The following ARHGAP39 variants were observed in gnomAD, a reference collection of about 807,000 sequenced individuals.
ARHGAP39 encodes rho GTPase-activating protein 39.
ARHGAP39 carries 44 observed loss-of-function variants against 106.9 expected under a neutral mutation model. The ratio of observed to expected loss-of-function variants is 0.41; its 90% CI spans 0.32 to 0.53. The LOEUF (loss-of-function observed/expected upper bound fraction) is 0.53. Ranked by LOEUF, ARHGAP39 falls within the 20% of genes least tolerant of loss-of-function variation. ARHGAP39 has a pLI of 0.21. For synonymous variants in ARHGAP39, 768 were observed against 693.2 expected (o/e 1.11, Z -1.69); for missense variants, 1,496 against 1,577.3 (o/e 0.95, Z 0.87).
In ARHGAP39 at chr8:144,585,390, G is replaced by C. The variant is rs558936031; in HGVS notation, c.81-4113C>G. Among the ~76,000 whole-genome samples, 1 of 145,840 alleles carries C rather than the reference G, an allele frequency of 6.9e-6. No individual in the cohort carries two copies. Among genetic ancestry groups the C allele is most frequent in the Non-Finnish European group, 1.5e-5 (1 of 66,132 alleles). Reference sequence around the variant, plus strand: ...GGGCCAGCCAAGGGTTCCCAGCACCGGCTCACCGAGAACCTGGAGGGGCCA... The same window carrying C: ...GGGCCAGCCAAGGGTTCCCAGCACCCGCTCACCGAGAACCTGGAGGGGCCA... On this transcript the variant is annotated intron_variant, in intron 2 of 11. Transcript: ENST00000377307. This position sits in a 1 kb window ranked among gnomAD's most constrained non-coding sequence, Gnocchi z 4.6.
intron 6 of ARHGAP39, among the ~76,000 whole-genome samples, chr8:144,544,886 A>G (rs1461794734): frequency 6.6e-6 from 1 of 152,274 alleles, no homozygotes; most frequent in Non-Finnish European, 1.5e-5. Flanking sequence ...GCAGAAGGCA[A>G]GTGCGGCAGG....
At chr8:144,540,718 C>T (rs1366454244) in intron 6 of ARHGAP39, among the ~76,000 whole-genome samples, 6 of 151,722 alleles carry the variant, frequency 4.0e-5, no homozygotes, top group Admixed American at 2.6e-4. Flanking sequence ...GAGGATCCCA[C>T]GAGCCTGAGA....
chr8:144,695,144 A>G, the ARHGAP39 span, among the ~76,000 whole-genome samples: 4 of 51,572 alleles, frequency 7.8e-5, no homozygotes, highest in South Asian at 7.9e-4. Flanking sequence ...GCGCTATCTC[A>G]GCTTACTGCA....
chr8:144,648,580 A>C (rs774245926), intron 1 of ARHGAP39, among the ~76,000 whole-genome samples: 1 of 152,174 alleles, frequency 6.6e-6, no homozygotes, highest in Non-Finnish European at 1.5e-5. Context: ...TTTTATTCCG[A>C]AAGGTAGAGC....
the ARHGAP39 span, among the ~76,000 whole-genome samples, chr8:144,694,747 G>C: frequency 6.6e-6 from 1 of 152,156 alleles, no homozygotes; most frequent in Non-Finnish European, 1.5e-5. Context: ...GGAATCTTAT[G>C]ATAACATTTC....
At chr8:144,592,273 C>CAG in intron 2 of ARHGAP39, among the ~76,000 whole-genome samples, 1 of 147,558 alleles carries the variant, frequency 6.8e-6, no homozygotes, top group South Asian at 2.2e-4. Flanking sequence ...AACCTGAGGG[C>CAG]ACCTCCTGGG....
intron 2 of ARHGAP39, among the ~76,000 whole-genome samples, chr8:144,601,904 T>C (rs536672774): frequency 1.4e-5 from 2 of 138,030 alleles, no homozygotes; most frequent in East Asian, 4.6e-4. Flanking sequence ...GAGGCGTGCA[T>C]GTGCTCGTGT....
chr8:144,642,990 G>A (rs1326607156), intron 1 of ARHGAP39, among the ~76,000 whole-genome samples: 3 of 152,014 alleles, frequency 2.0e-5, no homozygotes, highest in Non-Finnish European at 4.4e-5. Context: ...TCCAGTCTGG[G>A]CAACAGAGCA....
Position 144,530,789 on chromosome 8 carries a change from G to A in ARHGAP39, c.3063C>T (p.Tyr1021=), listed in dbSNP as rs112342135. 27,490 of 1,611,832 alleles carry A rather than the reference G, an allele frequency of 0.017. 294 individuals carry two copies. Among genetic ancestry groups the A allele is most frequent in the Non-Finnish European group, 0.02 (23,794 of 1,179,638 alleles). ...CGGCCACCGCCGCCTCGGGGCTGTC[G>A]TAGTGCGCGATGCACTGCTCGTAGA... is the stretch of plus-strand genomic sequence containing the variant. ...HEFYEQCIAH[Y]DSPEAAVAVV... Residue 1021 remains tyrosine (Y), a synonymous_variant, in exon 11 of 12, where the codon TAC becomes TAT. Transcript: ENST00000377307.
Position 144,645,986 on chromosome 8 carries a change from C to G in ARHGAP39, c.-82+39700G>C, listed in dbSNP as rs1348683422. Among the ~76,000 whole-genome samples the G allele has an allele frequency of 6.6e-6, 1 of 152,220 alleles. No individual in the cohort carries two copies. Among genetic ancestry groups the G allele is most frequent in the African/African-American group, 2.4e-5 (1 of 41,468 alleles). On this transcript the variant is annotated intron_variant, in intron 1 of 11. Transcript: ENST00000377307. This position sits in a 1 kb window ranked among gnomAD's most constrained non-coding sequence, Gnocchi z 4.4. The stretch of plus-strand genomic sequence containing the variant: ...GGTAACACCCAGATGGCCCAGCTGG[C>G]TCTGTGGCCGAGGCAGGATAGCTAG...
intron 3 of ARHGAP39, among the ~76,000 whole-genome samples, chr8:144,572,854 C>T (rs754697468): frequency 2.4e-4 from 37 of 152,196 alleles, no homozygotes; most frequent in African/African-American, 8.2e-4. Flanking sequence ...ATTTATGCAG[C>T]CAACAGACAC....
chr8:144,677,092 G>A (rs1822262458), intron 1 of ARHGAP39, among the ~76,000 whole-genome samples: 2 of 152,222 alleles, frequency 1.3e-5, no homozygotes, highest in Admixed American at 6.5e-5. Context: ...GTTCACACAC[G>A]TTATAACATG....
rs1256845886 is a variant in ARHGAP39, at chr8:144,532,297, GGA to G, written c.2980+6_2980+7del. 1.2e-6 allele frequency: 2 copies of G among 1,612,198 alleles called. No homozygotes were observed. The highest frequency in any genetic ancestry group is 4.5e-5 in the East Asian group (2 of 44,872). On this transcript the variant is annotated splice_donor_region_variant and intron_variant, in intron 10 of 11. Coordinates refer to ENST00000377307, the MANE Select transcript of ARHGAP39 (RefSeq NM_025251.3). Reference sequence around the variant, plus strand: ...CCCGCTCTGCTGCAGCGTGTGTGGGGGACTCACCAGGGACGTGGGGGTCTTCC... The same window carrying G: ...CCCGCTCTGCTGCAGCGTGTGTGGGGCTCACCAGGGACGTGGGGGTCTTCC...
At position 144,547,849 on chromosome 8, in the gene ARHGAP39, C is replaced by G. The variant is rs2130844512; in HGVS notation, c.1237G>C (p.Gly413Arg). The G allele has an allele frequency of 1.9e-6, 3 of 1,586,908 alleles. No individual in the cohort carries two copies. Among genetic ancestry groups the G allele is most frequent in the Non-Finnish European group, 2.6e-6 (3 of 1,167,368 alleles). The change falls in exon 5 of 12, where the codon GGC becomes CGC. Residue 413 changes from glycine (G) to arginine (R), a missense_variant. Transcript: ENST00000377307. This position sits in a 1 kb window ranked among gnomAD's most constrained non-coding sequence, Gnocchi z 5.2. ...TTGGGCGCGTACTTGTGCCGCGGGC[C>G]GGCGCGCAGCTTGGGGCTGGAGCCC... ...QAGSSPKLRA[G>R]PRHKYAPNPG... is the part of the protein sequence containing the mutation.
rs910529207 is a variant in ARHGAP39, at chr8:144,581,069, C to T, written c.289G>A (p.Gly97Ser). Residue 97 changes from glycine (G) to serine (S), a missense_variant, in exon 3 of 12, where the codon GGC becomes AGC. Coordinates refer to ENST00000377307, the MANE Select transcript of ARHGAP39 (RefSeq NM_025251.3). ...TTGGCCAGCGGGATGATGTCGCAGC[C>T]CTGCGGCCGGTGCCACACCGTGCGC... is the stretch of plus-strand genomic sequence containing the variant. ...TQRTVWHRPQ[G>S]CDIIPLAKLQ... 35 of 1,587,344 alleles carry T rather than the reference C, an allele frequency of 2.2e-5. No individual in the cohort carries two copies. The highest frequency in any genetic ancestry group is 3.0e-5 in the Non-Finnish European group (35 of 1,167,590).
intron 1 of ARHGAP39, among the ~76,000 whole-genome samples, chr8:144,616,814 T>C (rs906427692): frequency 1.3e-5 from 2 of 152,248 alleles, no homozygotes; most frequent in African/African-American, 4.8e-5. Context: ...CTTTAAAAAA[T>C]GATTGTTTAA....
intron 1 of ARHGAP39, among the ~76,000 whole-genome samples, chr8:144,629,664 G>T (rs922499718): frequency 6.6e-6 from 1 of 152,244 alleles, no homozygotes; most frequent in African/African-American, 2.4e-5. Flanking sequence ...GGTACACCGG[G>T]TGATGGCATT....
rs532185559 is a variant in ARHGAP39 at position 144,647,979 on chromosome 8, G to T, written c.-82+37707C>A. ...CTGGTACAATTTCTACAAAATGGTG[G>T]AGAGTCTAATTCTCCTTCCTCTAGC... On this transcript the variant is annotated intron_variant, in intron 1 of 11. Coordinates refer to ENST00000377307, the MANE Select transcript of ARHGAP39 (RefSeq NM_025251.3). The surrounding 1 kb of genome is among the most constrained non-coding windows in gnomAD (Gnocchi z 4.8). Among the ~76,000 whole-genome samples, 5 of 152,328 alleles carry T rather than the reference G, an allele frequency of 3.3e-5. No homozygotes were observed. Among genetic ancestry groups the T allele is most frequent in the Admixed American group, 3.3e-4 (5 of 15,292 alleles).
rs1821303736 is a variant in ARHGAP39, at chr8:144,641,084, T to TCCCAG, written c.-81-35394_-81-35390dup. On this transcript the variant is annotated intron_variant, in intron 1 of 11. Coordinates refer to ENST00000377307, the MANE Select transcript of ARHGAP39 (RefSeq NM_025251.3). The surrounding 1 kb of genome is among the most constrained non-coding windows in gnomAD (Gnocchi z 5.2). ...TTTATTTCTCATCTGCCTGGGCCCATCCCAGCACCAGTTCTTGCAGAGGTG... is the reference window on the plus strand; with the variant it reads ...TTTATTTCTCATCTGCCTGGGCCCATCCCAGCCCAGCACCAGTTCTTGCAGAGGTG... Among the ~76,000 whole-genome samples, 1 of 151,980 alleles carries TCCCAG rather than the reference T, an allele frequency of 6.6e-6. No individual in the cohort carries two copies. Among genetic ancestry groups the TCCCAG allele is most frequent in the Admixed American group, 6.6e-5 (1 of 15,260 alleles).
Sources: allele counts gnomAD v4.1 joint callset (sites outside exome capture counted in the v4.1 genomes callset), GRCh38; gene constraint gnomAD v4.1.1; non-coding constraint Gnocchi (gnomAD v3.1); transcripts MANE v1.5; gene names NCBI Gene and HGNC (gene_info 2026-07-23, HGNC 2026-07-21).